Variants in FOXJ3 observed in about 807,000 individuals in gnomAD.
FOXJ3 encodes forkhead box protein J3.
FOXJ3 carries 22 observed loss-of-function variants against 76.1 expected under a neutral mutation model. That is an observed-to-expected ratio of 0.29 (90% confidence interval 0.21 to 0.41). The LOEUF (loss-of-function observed/expected upper bound fraction) is 0.41, where lower values mean the gene tolerates loss of function less well. Ranked by LOEUF, FOXJ3 falls within the 10% of genes least tolerant of loss-of-function variation. The pLI, the probability that FOXJ3 is intolerant of heterozygous loss-of-function variation, is 1.00. For synonymous variants in FOXJ3, 269 were observed against 261.2 expected (o/e 1.03, Z -0.29); for missense variants, 613 against 762.1 (o/e 0.80, Z 2.30).
intron 7 of FOXJ3, among the ~76,000 whole-genome samples, chr1:42,196,178 A>C (rs907118936): frequency 6.6e-6 from 1 of 152,148 alleles, no homozygotes; most frequent in African/African-American, 2.4e-5. Context: ...GTAGTCTGTC[A>C]TTTGGTCCTC....
intron 4 of FOXJ3, among the ~76,000 whole-genome samples, chr1:42,257,766 G>T (rs1378609501): frequency 1.0e-4 from 15 of 148,960 alleles, no homozygotes; most frequent in Admixed American, 1.0e-3. Context: ...AAAAGAAAAT[G>T]CATCAGAAAT....
At chr1:42,246,265 C>G (rs1649543789) in intron 4 of FOXJ3, among the ~76,000 whole-genome samples, 1 of 152,030 alleles carries the variant, frequency 6.6e-6, no homozygotes, top group Non-Finnish European at 1.5e-5. Flanking sequence ...ATTCATCTGA[C>G]AAGAGACTAA....
At position 42,178,076 on chromosome 1, in the gene FOXJ3, T is replaced by G. The variant is rs947588978; in HGVS notation, c.*1634A>C. The G allele has an allele frequency of 6.6e-6, 1 of 151,936 alleles. No homozygotes were observed. Among genetic ancestry groups the G allele is most frequent in the Non-Finnish European group, 1.5e-5 (1 of 67,888 alleles). 9.4% of individuals were successfully genotyped at this position (151,936 alleles called of 1,614,324 possible). A position where few individuals can be genotyped will look rare whatever the true frequency, so the allele number is the denominator to read the frequency against. The stretch of plus-strand genomic sequence containing the variant: ...TCATAAAACTAAGATAATCAGTCCA[T>G]GCAAACTGTGATATGATATGAAACA... On this transcript the variant is annotated 3_prime_UTR_variant, in exon 13 of 13. Transcript: ENST00000361346.
intron 5 of FOXJ3, chr1:42,206,159 T>C (rs1056105542): frequency 3.1e-6 from 1 of 326,218 alleles, no homozygotes; most frequent in Non-Finnish European, 5.6e-6. Flanking sequence ...CTAATATCCA[T>C]TCTCCCCTCA....
chr1:42,305,259 G>A (rs999673817), intron 2 of FOXJ3, among the ~76,000 whole-genome samples: 4 of 152,190 alleles, frequency 2.6e-5, no homozygotes, highest in African/African-American at 7.2e-5. Flanking sequence ...TGGAGAGGAT[G>A]TGGGGAAAAG....
At chr1:42,303,544 G>A (rs1458281491) in intron 2 of FOXJ3, among the ~76,000 whole-genome samples, 1 of 152,176 alleles carries the variant, frequency 6.6e-6, no homozygotes, top group Non-Finnish European at 1.5e-5. Flanking sequence ...AGGGAAATGA[G>A]GAAACAGACG....
At chr1:42,310,465 T>C (rs1654738719) in intron 2 of FOXJ3, among the ~76,000 whole-genome samples, 1 of 149,862 alleles carries the variant, frequency 6.7e-6, no homozygotes, top group African/African-American at 2.5e-5. Flanking sequence ...TTTTTTTTTT[T>C]AGGACAGAGT....
At chr1:42,190,412 T>C (rs1030031795) in intron 9 of FOXJ3, among the ~76,000 whole-genome samples, 6 of 152,334 alleles carry the variant, frequency 3.9e-5, no homozygotes, top group Middle Eastern at 3.4e-3. Flanking sequence ...AGAGACAACA[T>C]GACCCTGCCA....
chr1:42,245,178 A>C (rs1649452583), intron 4 of FOXJ3, among the ~76,000 whole-genome samples: 1 of 151,972 alleles, frequency 6.6e-6, no homozygotes, highest in South Asian at 2.1e-4. Flanking sequence ...AAAAAAAAAA[A>C]AAAAAAACAA....
At chr1:42,324,263 CATATATACACTA>C (rs1655685946) in intron 1 of FOXJ3, among the ~76,000 whole-genome samples, 2 of 115,846 alleles carry the variant, frequency 1.7e-5, no homozygotes, top group African/African-American at 3.1e-5. Flanking sequence ...TATATATACA[CATATATACACTA>C]TATATATTAT....
At chr1:42,181,895 T>C in intron 12 of FOXJ3, 22 bp downstream of exon 12, 1 of 1,217,586 alleles carries the variant, frequency 8.2e-7, no homozygotes, top group Non-Finnish European at 1.2e-6. Context: ...ACACACACAC[T>C]CACTCTCTCT....
intron 4 of FOXJ3, among the ~76,000 whole-genome samples, chr1:42,258,974 T>C (rs1489756840): frequency 1.3e-5 from 2 of 152,198 alleles, no homozygotes; most frequent in African/African-American, 4.8e-5. Context: ...AGAAAGTAAC[T>C]TGATGGTCAA....
At chr1:42,262,802 C>A (rs749228631) in intron 4 of FOXJ3, among the ~76,000 whole-genome samples, 10 of 152,108 alleles carry the variant, frequency 6.6e-5, no homozygotes, top group Admixed American at 3.9e-4. Flanking sequence ...TGAGCTGAGA[C>A]TGCACCACTG....
chr1:42,286,741 C>T (rs1653080726), intron 2 of FOXJ3, among the ~76,000 whole-genome samples: 1 of 152,106 alleles, frequency 6.6e-6, no homozygotes, highest in African/African-American at 2.4e-5. Flanking sequence ...TCAAGCGATT[C>T]TCTTGCCTCA....
chr1:42,209,013 TG>T (rs911177460), intron 5 of FOXJ3, among the ~76,000 whole-genome samples: 2 of 152,240 alleles, frequency 1.3e-5, no homozygotes, highest in Non-Finnish European at 2.9e-5. Flanking sequence ...GTGTTGCTTT[TG>T]TACCATCAGA....
chr1:42,242,715 C>A (rs1315546339), intron 4 of FOXJ3, among the ~76,000 whole-genome samples: 1 of 151,982 alleles, frequency 6.6e-6, no homozygotes. Context: ...ATAAAGGGAC[C>A]AAAGTAGACA....
At chr1:42,225,565 C>G (rs1006048244) in intron 5 of FOXJ3, among the ~76,000 whole-genome samples, 1 of 152,162 alleles carries the variant, frequency 6.6e-6, no homozygotes, top group African/African-American at 2.4e-5. Context: ...CAGCTAATCT[C>G]TTTGTATGCT....
chr1:42,256,592 G>C (rs1339065227), intron 4 of FOXJ3, among the ~76,000 whole-genome samples: 1 of 152,190 alleles, frequency 6.6e-6, no homozygotes, highest in East Asian at 1.9e-4. Context: ...ACCAACTGTT[G>C]GCCATGGGAA....
At chr1:42,270,045 CTCT>C (rs1189925242) in intron 3 of FOXJ3, among the ~76,000 whole-genome samples, 2 of 152,328 alleles carry the variant, frequency 1.3e-5, no homozygotes, top group African/African-American at 4.8e-5. Flanking sequence ...CCCCCAAAGA[CTCT>C]TCATGATCTG....
Sources: gnomAD v4.1 joint callset for allele counts (sites outside exome capture counted in the v4.1 genomes callset) on GRCh38, gnomAD v4.1.1 for gene constraint, MANE v1.5 for transcripts, NCBI Gene and HGNC (gene_info 2026-07-23, HGNC 2026-07-21) for gene names.